Variants in GALNS observed in about 807,000 individuals in gnomAD.
GALNS encodes N-acetylgalactosamine-6-sulfatase.
GALNS carries 65 observed loss-of-function variants against 65.9 expected under a neutral mutation model. The observed-to-expected ratio is 0.99, with a 90% CI of 0.81 to 1.21. GALNS has a LOEUF of 1.21. GALNS is among the 50% of genes most tolerant of loss of function. The probability of loss-of-function intolerance (pLI) is 0.00; values close to 1 mark genes in which losing one functional copy is unlikely to be tolerated. For missense variants in GALNS, 776 were observed against 700.7 expected (o/e 1.11, Z -1.21); for synonymous variants, 346 against 288.9 (o/e 1.20, Z -2.00).
At chr16:88,814,954 A>C in intron 13 of GALNS, 1 of 847,764 alleles carries the variant, frequency 1.2e-6, no homozygotes, top group Non-Finnish European at 1.4e-6. Context: ...GCTGGTCTCA[A>C]ACTTCTGACC....
intron 1 of GALNS, chr16:88,855,420 T>C (rs1967765309): frequency 1.4e-6 from 1 of 702,780 alleles, no homozygotes; most frequent in Non-Finnish European, 2.6e-6. Context: ...TGAAGCAAAG[T>C]ATCTTTAGGA....
Position 88,835,356 on chromosome 16 carries a change from C to T in GALNS, c.759-4G>A. 1 of 1,613,504 alleles carries T rather than the reference C, an allele frequency of 6.2e-7. No individual in the cohort carries two copies. Among genetic ancestry groups the T allele is most frequent in the Non-Finnish European group, 8.5e-7 (1 of 1,179,770 alleles). ...CTCCCGGACGGCGTCTCCATACCTG[C>T]AGGATGGTGACAAAAGGCATCTCCA... On this transcript the variant is annotated splice_region_variant and splice_polypyrimidine_tract_variant and intron_variant, in intron 7 of 13. Transcript: ENST00000268695.
At chr16:88,818,357 A>G (rs1909855744) in intron 12 of GALNS, among the ~76,000 whole-genome samples, 1 of 152,250 alleles carries the variant, frequency 6.6e-6, no homozygotes, top group Non-Finnish European at 1.5e-5. Flanking sequence ...ATGAAGGCTC[A>G]GCAGGCCAAG....
At chr16:88,822,780 G>C (rs995451658) in intron 11 of GALNS, 70 bp from the exon 12 acceptor site, 53 of 1,578,384 alleles carry the variant, frequency 3.4e-5, no homozygotes, top group Non-Finnish European at 4.5e-5. Context: ...TCGTCTGCCC[G>C]TGTCCTGGAG....
chr16:88,843,022 G>A (rs1967056750), intron 1 of GALNS, 193 bp from the exon 2 acceptor site: 1 of 1,524,368 alleles, frequency 6.6e-7, no homozygotes, highest in African/African-American at 1.4e-5. Context: ...CTCCACGCCA[G>A]CCCAAACCTC....
intron 11 of GALNS, among the ~76,000 whole-genome samples, chr16:88,823,662 G>A (rs1910490567): frequency 1.4e-5 from 1 of 70,772 alleles, no homozygotes. Context: ...CAATGCCGGG[G>A]ACCGATGCCC....
chr16:88,846,599 C>T (rs1231639789), intron 1 of GALNS, among the ~76,000 whole-genome samples: 1 of 150,124 alleles, frequency 6.7e-6, no homozygotes, highest in Non-Finnish European at 1.5e-5. Flanking sequence ...CAACCTTTGC[C>T]TGCACGATCT....
At chr16:88,823,464 G>A (rs1287691483) in intron 11 of GALNS, among the ~76,000 whole-genome samples, 2 of 152,222 alleles carry the variant, frequency 1.3e-5, no homozygotes, top group Non-Finnish European at 2.9e-5. Flanking sequence ...CGAGGACTGT[G>A]CCCAGGACGG....
intron 12 of GALNS, among the ~76,000 whole-genome samples, chr16:88,820,779 T>C (rs1910126407): frequency 1.3e-5 from 2 of 152,200 alleles, no homozygotes; most frequent in Admixed American, 1.3e-4. Context: ...TCACGCCCAG[T>C]GGACGCGAGG....
intron 12 of GALNS, 137 bp from the exon 13 acceptor site, chr16:88,818,261 AG>A: frequency 1.3e-6 from 1 of 759,088 alleles, no homozygotes; most frequent in Admixed American, 2.0e-5. Context: ...CATGTGCTCA[AG>A]CCTGCAGCGG....
intron 4 of GALNS, among the ~76,000 whole-genome samples, chr16:88,839,619 G>A (rs1021355819): frequency 1.3e-5 from 2 of 152,202 alleles, no homozygotes; most frequent in Non-Finnish European, 2.9e-5. Context: ...CCTGAGAGGG[G>A]ACCCTGCTGG....
At chr16:88,831,922 A>T in intron 9 of GALNS, 76 bp downstream of exon 9, 1 of 1,268,646 alleles carries the variant, frequency 7.9e-7, no homozygotes, top group Non-Finnish European at 1.1e-6. Flanking sequence ...GGAGGTGGCC[A>T]GTGAGGGGCG....
Position 88,822,695 on chromosome 16 carries a change from G to A in GALNS, c.1258C>T (p.Pro420Ser), listed in dbSNP as rs1341980746. 6.2e-7 allele frequency: 1 copy of A among 1,612,810 alleles called. No homozygotes were observed. Among genetic ancestry groups the A allele is most frequent in the South Asian group, 1.1e-5 (1 of 91,050 alleles). ...ENFRQGIDFC[P>S]GQNVSGVTTH... ...GTGACCCCTGAAACGTTCTGCCCAGGGCAGAAATCAATGCCCTGCAATGAG... is the reference window on the plus strand; with the variant it reads ...GTGACCCCTGAAACGTTCTGCCCAGAGCAGAAATCAATGCCCTGCAATGAG... Residue 420 changes from proline to serine, a missense_variant, in exon 12 of 14, where the codon CCT (proline) becomes TCT (serine). Pro to Ser is a moderately conservative substitution (Grantham distance 74). Transcript: ENST00000268695.
chr16:88,853,836 C>T (rs1045824976), intron 1 of GALNS, among the ~76,000 whole-genome samples: 1 of 152,192 alleles, frequency 6.6e-6, no homozygotes, highest in Non-Finnish European at 1.5e-5. Flanking sequence ...TTGCCCGGCT[C>T]AGCTCCCCCT....
chr16:88,846,688 G>A (rs147104401), intron 1 of GALNS, among the ~76,000 whole-genome samples: 57 of 151,984 alleles, frequency 3.8e-4, no homozygotes, highest in African/African-American at 1.2e-3. Flanking sequence ...GATTATAGGC[G>A]CCCTCCATCA....
intron 8 of GALNS, 73 bp downstream of exon 8, chr16:88,835,140 A>G (rs1911977028): frequency 1.3e-6 from 2 of 1,542,766 alleles, no homozygotes; most frequent in African/African-American, 1.4e-5. Flanking sequence ...CCCCGTGGGC[A>G]CAGCCGGTCC....
Position 88,815,915 on chromosome 16 carries a change from G to A in GALNS, c.1483-1390C>T, listed in dbSNP as rs936293953. On this transcript the variant is annotated intron_variant, in intron 13 of 13. Transcript: ENST00000268695. ...AGCTGTCCCAGAAGCAGGGGTCCAG[G>A]TGGCCACACTCCCTCTCCTCTGTGC... 6 of 985,302 alleles carry A rather than the reference G, an allele frequency of 6.1e-6. No homozygotes were observed. In the African/African-American group the frequency reaches 7.0e-5, roughly 11 times the overall value. The allele number at this position is 985,302 out of a possible 1,614,324, so 61.0% of individuals were successfully genotyped here.
chr16:88,837,956 C>T (rs925028806), intron 4 of GALNS, 191 bp from the exon 5 acceptor site: 14 of 610,678 alleles, frequency 2.3e-5, no homozygotes, highest in East Asian at 1.1e-4. Context: ...TGGCACTGCC[C>T]GCCTACCCTG....
At chr16:88,816,249 G>A (rs1909611162) in intron 13 of GALNS, 3 of 985,408 alleles carry the variant, frequency 3.0e-6, no homozygotes, top group South Asian at 9.4e-5. Flanking sequence ...CTGTCTCCAT[G>A]GCAGGTGTGG....
Sources: allele counts gnomAD v4.1 joint callset (sites outside exome capture counted in the v4.1 genomes callset), GRCh38; gene constraint gnomAD v4.1.1; transcripts MANE v1.5; gene names NCBI Gene and HGNC (gene_info 2026-07-23, HGNC 2026-07-21).